DSP: variants seen among roughly 807,000 people sequenced by gnomAD.
The protein encoded by DSP is desmoplakin, also known as 250/210 kDa paraneoplastic pemphigus antigen.
In DSP, 114 loss-of-function variants were observed where a neutral mutation model predicts 290.6. The observed-to-expected ratio is 0.39, with a 90% CI of 0.34 to 0.46. The LOEUF (loss-of-function observed/expected upper bound fraction) is 0.46, where lower values mean the gene tolerates loss of function less well. Ranked by LOEUF, DSP falls within the 20% of genes least tolerant of loss-of-function variation. DSP has a pLI of 0.99. For missense variants in DSP, 3,230 were observed against 3,495.8 expected (o/e 0.92, Z 1.92); for synonymous variants, 1,311 against 1,316.4 (o/e 1.00, Z 0.09).
chr6:7,573,706 G>GA (rs1029966772), intron 15 of DSP, among the ~76,000 whole-genome samples: 17 of 152,108 alleles, frequency 1.1e-4, no homozygotes, highest in African/African-American at 3.6e-4. Context: ...TAAATTCTAA[G>GA]AAAAAAGTTG....
intron 1 of DSP, among the ~76,000 whole-genome samples, chr6:7,549,044 T>C (rs1440514708): frequency 6.6e-6 from 1 of 151,980 alleles, no homozygotes; most frequent in Non-Finnish European, 1.5e-5. Context: ...GATGCAGAGG[T>C]GTGATATGGA....
chr6:7,566,350 A>G lies in DSP; in HGVS notation c.940-27A>G, dbSNP rs773632611. The G allele has an allele frequency of 3.2e-6, 5 of 1,586,958 alleles. No homozygotes were observed. The African/African-American group carries it at 5.4e-5, about 17-fold the overall frequency. Reference sequence around the variant, plus strand: ...GGAAGTTTAATGATGACTTGCTGCAAAGGATTTCTTATTTCTTCATTCACA... The same window carrying G: ...GGAAGTTTAATGATGACTTGCTGCAGAGGATTTCTTATTTCTTCATTCACA... On this transcript the variant is annotated intron_variant, in intron 7 of 23. Coordinates refer to ENST00000379802, the MANE Select transcript of DSP (RefSeq NM_004415.4).
At position 7,568,657 on chromosome 6, in the gene DSP, A is replaced by G. The variant is rs1249775225; in HGVS notation, c.1419+68A>G. 5.8e-6 allele frequency: 9 copies of G among 1,551,418 alleles called. No individual in the cohort carries two copies. The African/African-American group carries it at 9.5e-5, about 16-fold the overall frequency. ...TACACACAAATTTTTGTCCATCAAG[A>G]AAGCAACATTTAATCTAGAGTTCAA... On this transcript the variant is annotated intron_variant, in intron 11 of 23. Coordinates refer to ENST00000379802, the MANE Select transcript of DSP (RefSeq NM_004415.4).
rs778502149 is a variant in DSP, at chr6:7,576,475, T to C, written c.2793+19T>C. Reference sequence around the variant, plus strand: ...GCAGAAGGTATAAGCCAACTTTTTGTTCCATAGCTGTTTTGAGATTAATTG... The same window carrying C: ...GCAGAAGGTATAAGCCAACTTTTTGCTCCATAGCTGTTTTGAGATTAATTG... On this transcript the variant is annotated intron_variant, in intron 19 of 23. Transcript: ENST00000379802. 64 of 1,613,932 alleles carry C rather than the reference T, an allele frequency of 4.0e-5. No homozygotes were observed. Among genetic ancestry groups the C allele is most frequent in the Non-Finnish European group, 5.4e-5 (64 of 1,179,942 alleles).
chr6:7,567,303 G>T (rs1231251038), intron 8 of DSP, 51 bp from the exon 9 acceptor site: 1 of 1,409,988 alleles, frequency 7.1e-7, no homozygotes, highest in Admixed American at 1.7e-5. Flanking sequence ...TGGTGTTCAT[G>T]CATCTGTACA....
At position 7,584,243 on chromosome 6, in the gene DSP, G is replaced by A; in HGVS notation, c.6981G>A (p.Glu2327=). The change falls in exon 24 of 24, where the codon GAG becomes GAA. Residue 2327 remains glutamate, a synonymous_variant. Transcript: ENST00000379802. This position sits in a 1 kb window ranked among gnomAD's most constrained non-coding sequence, Gnocchi z 6.4. Reference sequence around the variant, plus strand: ...GTCTGGTGGGCATTGAGTTCAAAGAGAAGCTCCTGTCTGCAGAACGAGCTG... The same window carrying A: ...GTCTGGTGGGCATTGAGTTCAAAGAAAAGCTCCTGTCTGCAGAACGAGCTG... ...KRGLVGIEFK[E]KLLSAERAVT... 1.2e-6 allele frequency: 2 copies of A among 1,614,168 alleles called. No individual in the cohort carries two copies. Among genetic ancestry groups the A allele is most frequent in the Non-Finnish European group, 1.7e-6 (2 of 1,180,034 alleles).
In DSP at chr6:7,585,783, T is replaced by G. The variant is rs1759650518; in HGVS notation, c.8521T>G (p.Ser2841Ala). 6.2e-7 allele frequency: 1 copy of G among 1,609,652 alleles called. No homozygotes were observed. The highest frequency in any genetic ancestry group is 1.3e-5 in the African/African-American group (1 of 74,504). ...ATCTCGCTCCGGATCTCGCTCCGGG[T>G]CCCGCAGTGGGTCCCGGAGAGGAAG... ...SGSRSGSRSG[S>A]RSGSRRGSFD... Residue 2841 changes from serine (S) to alanine (A), a missense_variant, in exon 24 of 24, where the codon TCC becomes GCC. Physicochemically the swap from Ser to Ala is moderately conservative, Grantham distance 99. Around this residue, in one of 5 missense-constraint regions of DSP, gnomAD observed 582 missense variants for 555.4 expected, o/e 1.05. Transcript: ENST00000379802.
intron 1 of DSP, 120 bp from the exon 2 acceptor site, chr6:7,555,598 C>T (rs1166807280): frequency 1.9e-5 from 15 of 773,502 alleles, no homozygotes; most frequent in South Asian, 1.3e-4. Context: ...ATTGGGATTC[C>T]GGGTAAAGGG....
chr6:7,554,589 T>C (rs770387940), intron 1 of DSP, among the ~76,000 whole-genome samples: 84 of 152,154 alleles, frequency 5.5e-4, no homozygotes, highest in Non-Finnish European at 1.1e-3. Flanking sequence ...CATCACTTTC[T>C]TCACACCATG....
chr6:7,559,907 T>C (rs1758627475), intron 4 of DSP, among the ~76,000 whole-genome samples: 1 of 152,238 alleles, frequency 6.6e-6, no homozygotes, highest in Non-Finnish European at 1.5e-5. Context: ...TACCTTAGAC[T>C]TTTGAAGTCT....
In DSP at chr6:7,582,162, G is replaced by A. The variant is rs942778492; in HGVS notation, c.5380-480G>A. ...TTGGTGTGTGTGTGTGTGTGTGTGT[G>A]TGTGTATATCTATATATTATATATA... On this transcript the variant is annotated intron_variant, in intron 23 of 23. Transcript: ENST00000379802. The surrounding 1 kb of genome is among the most constrained non-coding windows in gnomAD (Gnocchi z 4.2). Among the ~76,000 whole-genome samples, 6 of 130,280 alleles carry A rather than the reference G, an allele frequency of 4.6e-5. No homozygotes were observed. The highest frequency in any genetic ancestry group is 1.5e-4 in the African/African-American group (5 of 32,714). The allele number at this position is 130,280 out of a possible 152,430, so 85.5% of individuals were successfully genotyped here.
intron 1 of DSP, among the ~76,000 whole-genome samples, chr6:7,554,125 A>ACACACACACACACACAAACACACC (rs772041102): frequency 1.4e-5 from 2 of 144,400 alleles, no homozygotes; most frequent in Non-Finnish European, 3.0e-5. Flanking sequence ...ACACACACAC[A>ACACACACACACACACAAACACACC]CCCAGTTGGT....
At chr6:7,563,600 C>T (rs1581797484) in intron 5 of DSP, 136 bp from the exon 6 acceptor site, 1 of 784,744 alleles carries the variant, frequency 1.3e-6, no homozygotes, top group Admixed American at 2.1e-5. Flanking sequence ...TGAAATATCT[C>T]ATAGAGCTAG....
intron 6 of DSP, among the ~76,000 whole-genome samples, chr6:7,564,904 G>T (rs367845445): frequency 6.6e-6 from 1 of 152,166 alleles, no homozygotes; most frequent in South Asian, 2.1e-4. Flanking sequence ...CAGCACTTTG[G>T]GGGGCCGAGG....
At chr6:7,563,645 G>T in intron 5 of DSP, 91 bp from the exon 6 acceptor site, 1 of 1,001,966 alleles carries the variant, frequency 1.0e-6, no homozygotes, top group Non-Finnish European at 1.6e-6. Flanking sequence ...TCTGAGGCCA[G>T]TATCTGAAGA....
intron 1 of DSP, among the ~76,000 whole-genome samples, chr6:7,554,082 A>AAAACACACACACACACACACACAC: frequency 8.6e-6 from 1 of 115,946 alleles, no homozygotes; most frequent in East Asian, 2.7e-4. Context: ...CTTTCTTTAA[A>AAAACACACACACACACACACACAC]ACACACACAC....
In DSP at chr6:7,571,499, G is replaced by A; in HGVS notation, c.1818G>A (p.Arg606=). The A allele has an allele frequency of 6.2e-7, 1 of 1,614,206 alleles. No individual in the cohort carries two copies. The highest frequency in any genetic ancestry group is 8.5e-7 in the Non-Finnish European group (1 of 1,180,048). ...AGATGTTTGGAGATGATGACAAGCG[G>A]AAAATACAGTCTCAGTTCACCGATG... ...GSEMFGDDDK[R]KIQSQFTDAQ... is the part of the protein sequence containing the mutation. Residue 606 remains arginine (R), a synonymous_variant, in exon 14 of 24, where the codon CGG becomes CGA. Coordinates refer to ENST00000379802, the MANE Select transcript of DSP (RefSeq NM_004415.4).
rs754326012 is a variant in DSP at position 7,571,587 on chromosome 6, C to T, written c.1903+3C>T. On this transcript the variant is annotated splice_donor_region_variant and intron_variant, in intron 14 of 23. Transcript: ENST00000379802. ...TGGCTATCCCCAGCACCAGACAGGT[C>T]GGCTTGGGACATCTTTCTCTTTGTA... is the stretch of plus-strand genomic sequence containing the variant. 1.1e-5 allele frequency: 17 copies of T among 1,614,052 alleles called. No individual in the cohort carries two copies. The highest frequency in any genetic ancestry group is 8.9e-5 in the East Asian group (4 of 44,886).
Position 7,563,777 on chromosome 6 carries a change from A to C in DSP, c.768A>C (p.Glu256Asp). ...SAIYQLEEEY[E>D]NLLKASFERM... The stretch of plus-strand genomic sequence containing the variant: ...TCTACCAGTTGGAGGAGGAGTATGA[A>C]AACCTGCTGGTAAGCTGATTTATTT... Residue 256 changes from glutamate to aspartate, a missense_variant, in exon 6 of 24, where the codon GAA (glutamate) becomes GAC (aspartate). By Grantham distance (45) the Glu-to-Asp change is conservative (BLOSUM62 2). Around this residue, in one of 5 missense-constraint regions of DSP, gnomAD observed 646 missense variants for 684.3 expected, o/e 0.94. Coordinates refer to ENST00000379802, the MANE Select transcript of DSP (RefSeq NM_004415.4). 3 of 1,613,754 alleles carry C rather than the reference A, an allele frequency of 1.9e-6. No homozygotes were observed. Among genetic ancestry groups the C allele is most frequent in the Non-Finnish European group, 2.5e-6 (3 of 1,179,644 alleles).
Sources: gnomAD v4.1 joint callset for allele counts (sites outside exome capture counted in the v4.1 genomes callset) on GRCh38, gnomAD v4.1.1 for gene constraint, gnomAD v4.1.1 regional missense constraint, Gnocchi (gnomAD v3.1) non-coding constraint, MANE v1.5 for transcripts, NCBI Gene and HGNC (gene_info 2026-07-23, HGNC 2026-07-21) for gene names.